MIPOL1: variants seen among roughly 807,000 people sequenced by gnomAD.
MIPOL1 encodes mirror-image polydactyly 1, also known as mirror-image polydactyly gene 1 protein.
MIPOL1 carries 57 observed loss-of-function variants against 60.9 expected under a neutral mutation model. That is an observed-to-expected ratio of 0.94 (90% CI 0.76 to 1.17). The LOEUF (loss-of-function observed/expected upper bound fraction) is 1.17. Among genes scored for constraint, MIPOL1 ranks in the 50% most tolerant of loss-of-function variants. MIPOL1 has a pLI of 0.00. For missense variants in MIPOL1, 551 were observed against 511.6 expected (o/e 1.08, Z -0.74); for synonymous variants, 179 against 168.8 (o/e 1.06, Z -0.47).
intron 9 of MIPOL1, among the ~76,000 whole-genome samples, chr14:37,309,785 C>A (rs1402642020): frequency 1.3e-5 from 2 of 151,448 alleles, no homozygotes; most frequent in African/African-American, 4.9e-5. Context: ...CTCCCAGGTT[C>A]AAGTGATTCT....
chr14:37,334,472 C>A (rs966750847), intron 9 of MIPOL1, among the ~76,000 whole-genome samples: 3 of 151,934 alleles, frequency 2.0e-5, no homozygotes, highest in Non-Finnish European at 4.4e-5. Context: ...TAGATTCATT[C>A]ATATATAATT....
chr14:37,416,124 A>G (rs140689527), intron 10 of MIPOL1, among the ~76,000 whole-genome samples: 1 of 152,326 alleles, frequency 6.6e-6, no homozygotes, highest in Admixed American at 6.5e-5. Flanking sequence ...TATACGTCAC[A>G]CATCACTATA....
intron 6 of MIPOL1, among the ~76,000 whole-genome samples, chr14:37,279,041 A>G (rs376574309): frequency 6.6e-6 from 1 of 151,610 alleles, no homozygotes; most frequent in Non-Finnish European, 1.5e-5. Flanking sequence ...GAGATATCCA[A>G]ATATTATTGT....
chr14:37,483,289 T>C (rs559430464), intron 11 of MIPOL1, among the ~76,000 whole-genome samples: 2 of 151,540 alleles, frequency 1.3e-5, no homozygotes, highest in Non-Finnish European at 2.9e-5. Flanking sequence ...ATTTTTTGTA[T>C]TTTTTAGTAG....
At chr14:37,269,222 G>C (rs1956517) in intron 5 of MIPOL1, among the ~76,000 whole-genome samples, 127,393 of 151,996 alleles carry the variant, frequency 0.84, 57,360 homozygotes, top group East Asian at 1. Flanking sequence ...CAGTAGCAAG[G>C]CTTGGCAATA....
At chr14:37,363,022 A>G (rs2092333419) in intron 9 of MIPOL1, among the ~76,000 whole-genome samples, 1 of 151,946 alleles carries the variant, frequency 6.6e-6, no homozygotes, top group African/African-American at 2.4e-5. Flanking sequence ...ACCTTTTTTC[A>G]AGATTTTTAG....
At chr14:37,259,297 T>A (rs1224629821) in intron 3 of MIPOL1, among the ~76,000 whole-genome samples, 1 of 152,120 alleles carries the variant, frequency 6.6e-6, no homozygotes, top group Non-Finnish European at 1.5e-5. Flanking sequence ...GGCTCACACC[T>A]ATAATCCCAG....
At chr14:37,381,654 C>T (rs1360471805) in intron 10 of MIPOL1, among the ~76,000 whole-genome samples, 2 of 151,894 alleles carry the variant, frequency 1.3e-5, no homozygotes, top group Non-Finnish European at 2.9e-5. Flanking sequence ...ACAGTTGTAG[C>T]TCACTGCAGC....
At chr14:37,262,272 A>G (rs1274734321) in intron 3 of MIPOL1, among the ~76,000 whole-genome samples, 1 of 152,040 alleles carries the variant, frequency 6.6e-6, no homozygotes, top group Non-Finnish European at 1.5e-5. Context: ...AGCAATCACT[A>G]GTCGGCATTG....
Position 37,236,419 on chromosome 14 carries a change from G to A in MIPOL1, c.-198-10684G>A, listed in dbSNP as rs542723303. Among the ~76,000 whole-genome samples the A allele has an allele frequency of 2.0e-5, 3 of 152,034 alleles. No homozygotes were observed. The South Asian group carries it at 6.2e-4, about 32-fold the overall frequency. ...TTTGTCTATTGAAGGCTGTAGTAGTGTGTTTCTTTTGAGGCTTTTCTAAAT... is the reference window on the plus strand; with the variant it reads ...TTTGTCTATTGAAGGCTGTAGTAGTATGTTTCTTTTGAGGCTTTTCTAAAT... On this transcript the variant is annotated intron_variant, in intron 1 of 12. Transcript: ENST00000684589.
At chr14:37,377,909 T>G (rs998145879) in intron 10 of MIPOL1, among the ~76,000 whole-genome samples, 1 of 151,994 alleles carries the variant, frequency 6.6e-6, no homozygotes. Context: ...GCTGAAATCT[T>G]AAACTCTGAC....
chr14:37,480,831 A>C (rs1031939990), intron 11 of MIPOL1, among the ~76,000 whole-genome samples: 24 of 152,328 alleles, frequency 1.6e-4, no homozygotes, highest in African/African-American at 5.1e-4. Flanking sequence ...AACAAACAAA[A>C]AAAACCTCTT....
intron 1 of MIPOL1, among the ~76,000 whole-genome samples, chr14:37,233,029 G>A (rs1970871993): frequency 6.6e-6 from 1 of 152,152 alleles, no homozygotes; most frequent in South Asian, 2.1e-4. Context: ...TGCATGTATG[G>A]CTTCATCTTT....
intron 11 of MIPOL1, among the ~76,000 whole-genome samples, chr14:37,473,046 G>A (rs2153591236): frequency 6.6e-6 from 1 of 152,298 alleles, no homozygotes; most frequent in Non-Finnish European, 1.5e-5. Flanking sequence ...TTAATCACCA[G>A]TGTGGTGGTG....
rs763188703 is a variant in MIPOL1 at position 37,500,136 on chromosome 14, AAAGT to A, written c.1262+3_1262+6del. On this transcript the variant is annotated splice_donor_variant and coding_sequence_variant, in exon 12 of 13. Transcript: ENST00000684589. LOFTEE classifies it high-confidence loss of function. ...CCCAAGTGGCCAATGAAAAAGTTCA[AAAGT>A]AAGTTAAATGATCTTGTAATAATAC... is the stretch of plus-strand genomic sequence containing the variant. 1.3e-6 allele frequency: 2 copies of A among 1,587,586 alleles called. No individual in the cohort carries two copies. The highest frequency in any genetic ancestry group is 2.2e-5 in the East Asian group (1 of 44,698).
At chr14:37,335,654 C>T (rs1052573621) in intron 9 of MIPOL1, among the ~76,000 whole-genome samples, 2 of 152,012 alleles carry the variant, frequency 1.3e-5, no homozygotes, top group Non-Finnish European at 2.9e-5. Flanking sequence ...TTTGTCAATT[C>T]ATCTGCTGAT....
At chr14:37,409,133 C>A (rs558107028) in intron 10 of MIPOL1, among the ~76,000 whole-genome samples, 1 of 152,238 alleles carries the variant, frequency 6.6e-6, no homozygotes, top group South Asian at 2.1e-4. Flanking sequence ...TGGAGGAAGG[C>A]ACCCCCAGTT....
At chr14:37,264,529 G>A (rs900588826) in intron 3 of MIPOL1, among the ~76,000 whole-genome samples, 1 of 151,942 alleles carries the variant, frequency 6.6e-6, no homozygotes, top group Non-Finnish European at 1.5e-5. Context: ...TCGGGGGGCT[G>A]AGTTGGGAAA....
At chr14:37,391,401 C>CTT (rs10656096) in intron 10 of MIPOL1, among the ~76,000 whole-genome samples, 138,765 of 145,266 alleles carry the variant, frequency 0.96, 66,351 homozygotes, top group South Asian at 0.98. Context: ...GAAGCCTAAT[C>CTT]TTTTTTTTTT....
Sources: gnomAD v4.1 joint callset for allele counts (sites outside exome capture counted in the v4.1 genomes callset) on GRCh38, gnomAD v4.1.1 for gene constraint, MANE v1.5 for transcripts, NCBI Gene and HGNC (gene_info 2026-07-23, HGNC 2026-07-21) for gene names.